CMTM8: variants seen among roughly 807,000 people sequenced by gnomAD.
CMTM8 encodes the protein CKLF like MARVEL transmembrane domain containing 8, also known as CKLF-like MARVEL transmembrane domain-containing protein 8.
A neutral mutation model predicts 18.6 loss-of-function variants in CMTM8; 12 were observed. The observed-to-expected ratio is 0.65, with a 90% confidence interval of 0.41 to 1.05. The LOEUF is 1.05. Among genes scored for constraint, CMTM8 ranks in the 50% least tolerant of loss-of-function variants. The probability of loss-of-function intolerance (pLI) is 0.00; values close to 1 mark genes in which losing one functional copy is unlikely to be tolerated. For synonymous variants in CMTM8, 87 were observed against 90.6 expected, an observed-to-expected ratio of 0.96 and a Z score of 0.23; for missense variants, 217 against 227.2, an observed-to-expected ratio of 0.95 and a Z score of 0.29.
chr3:32,312,714 G>A (rs1695843314), intron 1 of CMTM8, among the ~76,000 whole-genome samples: 1 of 151,896 alleles, frequency 6.6e-6, no homozygotes, highest in South Asian at 2.1e-4. Context: ...CCTACCCAGA[G>A]GTTGGGATGT....
intron 2 of CMTM8, among the ~76,000 whole-genome samples, chr3:32,359,082 G>A (rs534036970): frequency 6.6e-6 from 1 of 152,256 alleles, no homozygotes; most frequent in South Asian, 2.1e-4. Flanking sequence ...TGGAGGAATG[G>A]ACAGTACCCT....
At chr3:32,251,646 CT>C (rs1160197604) in intron 1 of CMTM8, among the ~76,000 whole-genome samples, 3 of 151,980 alleles carry the variant, frequency 2.0e-5, no homozygotes, top group African/African-American at 7.2e-5. Context: ...ATTCATGCCA[CT>C]TTTTTTGTCA....
At chr3:32,346,792 T>G (rs566791820) in intron 1 of CMTM8, among the ~76,000 whole-genome samples, 1 of 151,668 alleles carries the variant, frequency 6.6e-6, no homozygotes, top group South Asian at 2.1e-4. Flanking sequence ...TGATTGAAGC[T>G]TCCTTTCTCC....
chr3:32,248,336 C>T (rs532095467), intron 1 of CMTM8, among the ~76,000 whole-genome samples: 6 of 152,014 alleles, frequency 3.9e-5, no homozygotes, highest in Non-Finnish European at 7.4e-5. Context: ...TTGCCTATTA[C>T]GAATAATGCT....
At chr3:32,329,950 C>T (rs1696239831) in intron 1 of CMTM8, among the ~76,000 whole-genome samples, 3 of 152,098 alleles carry the variant, frequency 2.0e-5, no homozygotes, top group South Asian at 4.1e-4. Flanking sequence ...TTTCTCTGCA[C>T]TAACAATGAG....
intron 1 of CMTM8, among the ~76,000 whole-genome samples, chr3:32,298,272 A>G (rs1344213028): frequency 2.6e-5 from 4 of 151,848 alleles, no homozygotes; most frequent in African/African-American, 4.8e-5. Flanking sequence ...AGGTTTTGCC[A>G]TGTTGGCCAG....
At chr3:32,322,201 C>A (rs184303619) in intron 1 of CMTM8, among the ~76,000 whole-genome samples, 57 of 152,274 alleles carry the variant, frequency 3.7e-4, no homozygotes, top group African/African-American at 1.3e-3. Flanking sequence ...AAGAACCCAA[C>A]TGAGTGTGCA....
intron 1 of CMTM8, among the ~76,000 whole-genome samples, chr3:32,330,197 A>AT (rs57467295): frequency 0.085 from 10,622 of 124,966 alleles, 503 homozygotes; most frequent in Middle Eastern, 0.13. Flanking sequence ...TCCCAGTGGC[A>AT]TTTTTTTTTT....
At chr3:32,253,359 T>C (rs1702138275) in intron 1 of CMTM8, among the ~76,000 whole-genome samples, 1 of 151,088 alleles carries the variant, frequency 6.6e-6, no homozygotes, top group African/African-American at 2.4e-5. Flanking sequence ...TTTTTTTTTT[T>C]TGGAGACAAA....
chr3:32,285,280 C>T (rs1196388958), intron 1 of CMTM8, among the ~76,000 whole-genome samples: 3 of 152,046 alleles, frequency 2.0e-5, no homozygotes, highest in Admixed American at 6.6e-5. Flanking sequence ...TTTGGGAGGC[C>T]GAGGCGGATG....
At chr3:32,356,921 A>C (rs1269414412) in intron 1 of CMTM8, among the ~76,000 whole-genome samples, 1 of 152,212 alleles carries the variant, frequency 6.6e-6, no homozygotes, top group Non-Finnish European at 1.5e-5. Context: ...GCCCACAACT[A>C]TCAGCTAGAG....
chr3:32,325,210 T>C (rs77660335), intron 1 of CMTM8, among the ~76,000 whole-genome samples: 3,889 of 152,306 alleles, frequency 0.026, 169 homozygotes, highest in African/African-American at 0.088. Context: ...CTTATTCCAG[T>C]TTTAGTGGGG....
intron 1 of CMTM8, among the ~76,000 whole-genome samples, chr3:32,309,199 T>C (rs1695771371): frequency 3.9e-5 from 6 of 152,036 alleles, no homozygotes. Flanking sequence ...GGGCAGAGCA[T>C]TGCCTGGGCC....
intron 2 of CMTM8, among the ~76,000 whole-genome samples, chr3:32,364,664 G>A (rs1440115932): frequency 6.6e-6 from 1 of 152,204 alleles, no homozygotes; most frequent in African/African-American, 2.4e-5. Flanking sequence ...ATTTTCAGCG[G>A]TTTGGGTATG....
In CMTM8 at chr3:32,340,137, A is replaced by T. The variant is rs114326416; in HGVS notation, c.148-17236A>T. Among the ~76,000 whole-genome samples, 951 of 152,274 alleles carry T rather than the reference A, an allele frequency of 6.2e-3. 18 individuals are homozygous for T. The highest frequency in any genetic ancestry group is 0.043 in the Admixed American group (651 of 15,300). ...GCAACGTCTGGTACTAATGGGTGAG[A>T]GTCCAGTTTATTCTTCCATGCCCTG... On this transcript the variant is annotated intron_variant, in intron 1 of 3. Transcript: ENST00000307526.
intron 1 of CMTM8, among the ~76,000 whole-genome samples, chr3:32,283,932 T>C (rs913050258): frequency 6.6e-6 from 1 of 152,248 alleles, no homozygotes; most frequent in African/African-American, 2.4e-5. Context: ...AATAGCTTTA[T>C]GAGTATACAT....
At chr3:32,250,953 G>T (rs879914983) in intron 1 of CMTM8, among the ~76,000 whole-genome samples, 2 of 151,964 alleles carry the variant, frequency 1.3e-5, no homozygotes, top group African/African-American at 4.8e-5. Context: ...TAATTTACTA[G>T]TTCTAATAAT....
At chr3:32,349,964 C>T (rs984964816) in intron 1 of CMTM8, among the ~76,000 whole-genome samples, 2 of 152,002 alleles carry the variant, frequency 1.3e-5, no homozygotes, top group South Asian at 2.1e-4. Flanking sequence ...GCCAAGATCG[C>T]AGCACTGTAC....
intron 1 of CMTM8, among the ~76,000 whole-genome samples, chr3:32,240,781 T>A (rs1478290210): frequency 6.6e-6 from 1 of 152,138 alleles, no homozygotes; most frequent in African/African-American, 2.4e-5. Context: ...ATTATGCACC[T>A]TTTTTGTTTG....
Sources: gnomAD v4.1 joint callset for allele counts (sites outside exome capture counted in the v4.1 genomes callset) on GRCh38, gnomAD v4.1.1 for gene constraint, MANE v1.5 for transcripts, NCBI Gene and HGNC (gene_info 2026-07-23, HGNC 2026-07-21) for gene names.